Variants in TCHP observed in about 807,000 individuals in gnomAD.
TCHP encodes the protein trichoplein keratin filament binding, also known as trichoplein keratin filament-binding protein.
A neutral mutation model predicts 88.7 loss-of-function variants in TCHP; 81 were observed. The observed-to-expected ratio is 0.91, with a 90% confidence interval of 0.76 to 1.10. The LOEUF (loss-of-function observed/expected upper bound fraction) is 1.10, where lower values mean the gene tolerates loss of function less well. Ranked by LOEUF, TCHP falls within the 50% of genes least tolerant of loss-of-function variation. The probability of loss-of-function intolerance (pLI) is 0.00; values close to 1 mark genes in which losing one functional copy is unlikely to be tolerated. For synonymous variants in TCHP, 232 were observed against 232.5 expected (o/e 1.00, Z 0.02); for missense variants, 641 against 632.1 (o/e 1.01, Z -0.15).
At chr12:109,886,887 T>C in the TCHP span, among the ~76,000 whole-genome samples, 1 of 151,890 alleles carries the variant, frequency 6.6e-6, no homozygotes, top group African/African-American at 2.4e-5. Context: ...TTTTGTATTT[T>C]TAGTAGAGAT....
chr12:109,881,765 C>T, the TCHP span, among the ~76,000 whole-genome samples: 1 of 152,220 alleles, frequency 6.6e-6, no homozygotes, highest in South Asian at 2.1e-4. Flanking sequence ...GGTCCAGCTT[C>T]TCACACCTTG....
the TCHP span, among the ~76,000 whole-genome samples, chr12:109,884,612 G>A: frequency 1.3e-5 from 2 of 152,202 alleles, no homozygotes; most frequent in African/African-American, 4.8e-5. Context: ...CAGAAAACTA[G>A]ATCCGTAGGT....
At chr12:109,894,482 A>G in the TCHP span, among the ~76,000 whole-genome samples, 1 of 149,130 alleles carries the variant, frequency 6.7e-6, no homozygotes, top group Non-Finnish European at 1.5e-5. Context: ...AAAGAAAAAA[A>G]AGGCCGGGTG....
intron 12 of TCHP, 87 bp downstream of exon 12, chr12:109,915,633 G>C: frequency 2.8e-6 from 4 of 1,423,132 alleles, no homozygotes; most frequent in Non-Finnish European, 3.8e-6. Context: ...ATCGCCCCGC[G>C]CCGGGGTCTG....
Position 109,911,124 on chromosome 12 carries a change from AC to A in TCHP, c.943del (p.Leu315TrpfsTer14). 1 of 1,597,116 alleles carries A rather than the reference AC, an allele frequency of 6.3e-7. No individual in the cohort carries two copies. The highest frequency in any genetic ancestry group is 8.5e-7 in the Non-Finnish European group (1 of 1,173,254). On this transcript the variant is annotated frameshift_variant, in exon 9 of 13. Transcript: ENST00000405876. LOFTEE classifies it high-confidence loss of function. Reference sequence around the variant, plus strand: ...AAGGAGGACGAGAGCCAGCGCCTCCACCTGGCCAGGCGGGAGCAGGTCATGG... The same window carrying A: ...AAGGAGGACGAGAGCCAGCGCCTCCACTGGCCAGGCGGGAGCAGGTCATGG... ...LEKEDESQRL[H>X]LARREQVMAD...
chr12:109,912,691 T>G (rs1870572027), intron 9 of TCHP, among the ~76,000 whole-genome samples: 1 of 152,074 alleles, frequency 6.6e-6, no homozygotes, highest in South Asian at 2.1e-4. Flanking sequence ...CTCAGGAGAC[T>G]GAGGTACTAG....
chr12:109,917,298 C>A lies in TCHP; in HGVS notation c.*675C>A, dbSNP rs1195013223. 6.6e-6 allele frequency: 1 copy of A among 152,158 alleles called. No homozygotes were observed. Among genetic ancestry groups the A allele is most frequent in the Admixed American group, 6.5e-5 (1 of 15,274 alleles). The allele number at this position is 152,158 out of a possible 1,614,324, so 9.4% of individuals were successfully genotyped here. A position where few individuals can be genotyped will look rare whatever the true frequency, so the allele number is the denominator to read the frequency against. ...ATTGTCTGTGAGTGACTGATCCCAA[C>A]ATGTATGTTACTAAGCCCCAAAACG... On this transcript the variant is annotated 3_prime_UTR_variant, in exon 13 of 13. Coordinates refer to ENST00000405876, the MANE Select transcript of TCHP (RefSeq NM_001143852.2).
At chr12:109,901,071 A>G (rs141869648) in intron 1 of TCHP, 1 of 152,330 alleles carries the variant, frequency 6.6e-6, no homozygotes, top group Non-Finnish European at 1.5e-5. Flanking sequence ...TCTGTCCTCC[A>G]TGGTAGCCCA....
chr12:109,911,101 G>C lies in TCHP; in HGVS notation c.918G>C (p.Lys306Asn), dbSNP rs746907241. The C allele has an allele frequency of 1.3e-6, 2 of 1,596,336 alleles. No homozygotes were observed. The highest frequency in any genetic ancestry group is 1.1e-5 in the South Asian group (1 of 87,918). The change falls in exon 9 of 13, where the codon AAG becomes AAC. Residue 306 changes from lysine to asparagine, a missense_variant. Coordinates refer to ENST00000405876, the MANE Select transcript of TCHP (RefSeq NM_001143852.2). The stretch of plus-strand genomic sequence containing the variant: ...GGATCCTGCAGGCCCTCCTCGAGAA[G>C]GAGGACGAGAGCCAGCGCCTCCACC... ...DRRILQALLE[K>N]EDESQRLHLA...
In TCHP at chr12:109,905,903, G is replaced by A. The variant is rs934306095; in HGVS notation, c.457-669G>A. On this transcript the variant is annotated intron_variant, in intron 4 of 12. Transcript: ENST00000405876. The surrounding 1 kb of genome is among the most constrained non-coding windows in gnomAD (Gnocchi z 4.0). ...TTTTTTATAGAGACAGGGTCTCCCTGTGTTGCTCAGGCTGGTCTCAAACCT... is the reference window on the plus strand; with the variant it reads ...TTTTTTATAGAGACAGGGTCTCCCTATGTTGCTCAGGCTGGTCTCAAACCT... 8.5e-5 allele frequency among the ~76,000 whole-genome samples: 13 copies of A among 152,220 alleles called. No homozygotes were observed. Among genetic ancestry groups the A allele is most frequent in the African/African-American group, 2.7e-4 (11 of 41,456 alleles).
rs1383805917 is a variant in TCHP, at chr12:109,908,905, A to G, written c.847A>G (p.Ser283Gly). The change falls in exon 8 of 13, where the codon AGC (serine) becomes GGC (glycine). Residue 283 changes from serine (S) to glycine (G), a missense_variant. Physicochemically the swap from Ser to Gly is moderately conservative, Grantham distance 56 (BLOSUM62 0). Coordinates refer to ENST00000405876, the MANE Select transcript of TCHP (RefSeq NM_001143852.2). ...FLRHQYNAQL[S>G]RRTQQIQEEL... ...GAGACATCAGTATAACGCTCAACTCAGCAGACGCACACAGCAGATCCAAGA... is the reference window on the plus strand; with the variant it reads ...GAGACATCAGTATAACGCTCAACTCGGCAGACGCACACAGCAGATCCAAGA... 7 of 1,614,248 alleles carry G rather than the reference A, an allele frequency of 4.3e-6. No homozygotes were observed. The highest frequency in any genetic ancestry group is 5.9e-6 in the Non-Finnish European group (7 of 1,180,048).
chr12:109,916,559 T>G (rs1870828618), intron 12 of TCHP, 32 bp from the exon 13 acceptor site: 1 of 1,607,942 alleles, frequency 6.2e-7, no homozygotes. Flanking sequence ...ACTGCTGATC[T>G]GATCACTCTT....
At chr12:109,908,515 T>C in intron 6 of TCHP, 71 bp from the exon 7 acceptor site, 1 of 1,336,944 alleles carries the variant, frequency 7.5e-7, no homozygotes, top group South Asian at 1.3e-5. Flanking sequence ...AAAATGGAGA[T>C]GGAGAATGAA....
the TCHP span, among the ~76,000 whole-genome samples, chr12:109,894,765 CAAAAAAAAAAAAA>C: frequency 1.3e-5 from 1 of 74,170 alleles, no homozygotes; most frequent in Non-Finnish European, 2.7e-5. Context: ...AACTCTGTCC[CAAAAAAAAAAAAA>C]AAAAAAAAAA....
the TCHP span, among the ~76,000 whole-genome samples, chr12:109,882,241 G>A: frequency 6.6e-6 from 1 of 151,520 alleles, no homozygotes; most frequent in Non-Finnish European, 1.5e-5. Flanking sequence ...GTGTGAGTCT[G>A]GCCAACATGG....
chr12:109,912,436 G>A (rs117058945), intron 9 of TCHP, among the ~76,000 whole-genome samples: 1,617 of 152,268 alleles, frequency 0.011, 18 homozygotes, highest in Non-Finnish European at 0.015. Context: ...AAACAGCCAC[G>A]GTGTAAGTCA....
At chr12:109,894,462 CA>C in the TCHP span, among the ~76,000 whole-genome samples, 91 of 107,738 alleles carry the variant, frequency 8.4e-4, no homozygotes, top group East Asian at 3.0e-3. Flanking sequence ...GACTCCGTCT[CA>C]AAAAAAAAAA....
At chr12:109,914,745 G>T in intron 11 of TCHP, 118 bp downstream of exon 11, 1 of 785,156 alleles carries the variant, frequency 1.3e-6, no homozygotes, top group Non-Finnish European at 2.0e-6. Context: ...TGAGAGCACG[G>T]TGCTCCCGTT....
chr12:109,880,689 G>C, the TCHP span: 1 of 152,168 alleles, frequency 6.6e-6, no homozygotes, highest in Non-Finnish European at 1.5e-5. This position sits in a 1 kb window ranked among gnomAD's most constrained non-coding sequence, Gnocchi z 5.1. Context: ...GAGGTGCGCC[G>C]GTTCATGGGT....
Sources: allele counts gnomAD v4.1 joint callset (sites outside exome capture counted in the v4.1 genomes callset), GRCh38; gene constraint gnomAD v4.1.1; non-coding constraint Gnocchi (gnomAD v3.1); transcripts MANE v1.5; gene names NCBI Gene and HGNC (gene_info 2026-07-23, HGNC 2026-07-21).